The following AFF1 variants were observed in gnomAD, a reference collection of about 807,000 sequenced individuals.
AFF1 encodes ALF transcription elongation factor 1, also known as AF4/FMR2 family member 1.
AFF1 carries 48 observed loss-of-function variants against 121.7 expected under a neutral mutation model. The observed-to-expected ratio is 0.39, with a 90% confidence interval of 0.31 to 0.50. AFF1 has a LOEUF of 0.50. Ranked by LOEUF, AFF1 falls within the 20% of genes least tolerant of loss-of-function variation. The pLI is 0.76. For synonymous variants in AFF1, 613 were observed against 563.0 expected (o/e 1.09, Z -1.26); for missense variants, 1,523 against 1,511.7 (o/e 1.01, Z -0.12).
chr4:86,961,914 C>G (rs1169601071), intron 2 of AFF1, among the ~76,000 whole-genome samples: 1 of 152,052 alleles, frequency 6.6e-6, no homozygotes, highest in Non-Finnish European at 1.5e-5. Context: ...TACTGTCCCC[C>G]GCAGAGCACT....
intron 18 of AFF1, 144 bp from the exon 19 acceptor site, chr4:87,132,127 A>G (rs1728887030): frequency 8.4e-6 from 8 of 951,590 alleles, no homozygotes; most frequent in South Asian, 1.8e-5. Context: ...TTGGGATAGT[A>G]TGAACAGAGC....
intron 1 of AFF1, among the ~76,000 whole-genome samples, chr4:86,942,000 G>A (rs1720500390): frequency 6.7e-6 from 1 of 150,226 alleles, no homozygotes; most frequent in Non-Finnish European, 1.5e-5. Flanking sequence ...CTTCTTTATT[G>A]AGTAGTTGAA....
At position 87,118,782 on chromosome 4, in the gene AFF1, C is replaced by T. The variant is rs115098723; in HGVS notation, c.2466+3483C>T. On this transcript the variant is annotated intron_variant, in intron 12 of 20. Transcript: ENST00000395146. ...ACTGGTTGAGGGTAGTTGTCTAGCT[C>T]CTTGGTGTTTTGAACAAAGAATTGG... is the stretch of plus-strand genomic sequence containing the variant. Among the ~76,000 whole-genome samples, 1,337 of 152,296 alleles carry T rather than the reference C, an allele frequency of 8.8e-3. 10 individuals are homozygous for T. The highest frequency in any genetic ancestry group is 0.011 in the Non-Finnish European group (748 of 68,022).
intron 2 of AFF1, among the ~76,000 whole-genome samples, chr4:86,965,249 A>G (rs924927607): frequency 2.0e-5 from 3 of 152,204 alleles, no homozygotes; most frequent in Non-Finnish European, 4.4e-5. Flanking sequence ...ACTGCTACCT[A>G]TTTGTCTTCA....
intron 2 of AFF1, among the ~76,000 whole-genome samples, chr4:86,975,404 CCA>C (rs1291232552): frequency 6.6e-6 from 1 of 152,134 alleles, no homozygotes; most frequent in African/African-American, 2.4e-5. Flanking sequence ...GTGCACACCA[CCA>C]CACATAGCTA....
intron 2 of AFF1, among the ~76,000 whole-genome samples, chr4:87,021,713 CTT>C (rs1459787452): frequency 2.0e-5 from 3 of 152,140 alleles, no homozygotes; most frequent in Admixed American, 6.5e-5. Flanking sequence ...TAAACATTTT[CTT>C]TTTGTTCCCT....
At chr4:87,077,386 G>GTGTGTTCAA (rs1046074018) in intron 4 of AFF1, among the ~76,000 whole-genome samples, 2 of 152,186 alleles carry the variant, frequency 1.3e-5, no homozygotes, top group Non-Finnish European at 2.9e-5. Flanking sequence ...TAACATAGGT[G>GTGTGTTCAA]TGTGTTCAGA....
chr4:87,015,623 A>C (rs1213455759), intron 2 of AFF1, among the ~76,000 whole-genome samples: 2 of 152,102 alleles, frequency 1.3e-5, no homozygotes, highest in Non-Finnish European at 2.9e-5. Context: ...TGAGTTTTTT[A>C]TTTGTTCTTA....
chr4:87,080,892 A>T (rs892366575), intron 4 of AFF1, among the ~76,000 whole-genome samples: 3 of 152,228 alleles, frequency 2.0e-5, no homozygotes, highest in African/African-American at 2.4e-5. Context: ...TAGATGGAAC[A>T]TAAAATGATC....
chr4:87,110,872 G>C (rs1445936123), intron 11 of AFF1, among the ~76,000 whole-genome samples: 2 of 152,034 alleles, frequency 1.3e-5, no homozygotes, highest in African/African-American at 4.8e-5. Context: ...GGGCAGATTG[G>C]GGGTGGGATG....
At chr4:87,083,754 T>TC (rs1723398306) in intron 4 of AFF1, among the ~76,000 whole-genome samples, 1 of 152,176 alleles carries the variant, frequency 6.6e-6, no homozygotes, top group Non-Finnish European at 1.5e-5. Context: ...TAGATTAATC[T>TC]CTCTGGTCTT....
Position 87,138,987 on chromosome 4 carries a change from T to C in AFF1, c.*3286T>C. Reference sequence around the variant, plus strand: ...CCTTTCTGGCTGAAAACTTGCCTTATTTGGTATCTTACACATTAATGTTAC... The same window carrying C: ...CCTTTCTGGCTGAAAACTTGCCTTACTTGGTATCTTACACATTAATGTTAC... On this transcript the variant is annotated 3_prime_UTR_variant, in exon 21 of 21. Transcript: ENST00000395146. 4.4e-6 allele frequency: 1 copy of C among 225,012 alleles called. No individual in the cohort carries two copies. Among genetic ancestry groups the C allele is most frequent in the East Asian group, 6.4e-5 (1 of 15,518 alleles). 13.9% of individuals were successfully genotyped at this position (225,012 alleles called of 1,614,324 possible).
At position 87,114,473 on chromosome 4, in the gene AFF1, G is replaced by A. The variant is rs766819377; in HGVS notation, c.1640G>A (p.Arg547Gln). The A allele has an allele frequency of 2.2e-5, 36 of 1,613,584 alleles. No homozygotes were observed. The Admixed American group carries it at 3.7e-4, about 16-fold the overall frequency. Residue 547 changes from arginine to glutamine, a missense_variant, in exon 12 of 21, where the codon CGG becomes CAG. This residue lies in a region of AFF1 where 905 missense variants were observed against 842.5 expected (regional missense o/e 1.07). Transcript: ENST00000395146. ...CCCAGGAGCACAGAGCCCCCACGGC[G>A]GCACCCAGAGAGTAAGGGCAGCAGC... is the stretch of plus-strand genomic sequence containing the variant. ...EGPRSTEPPR[R>Q]HPESKGSSDS...
At chr4:86,946,826 C>G (rs1286831923) in intron 1 of AFF1, among the ~76,000 whole-genome samples, 1 of 152,110 alleles carries the variant, frequency 6.6e-6, no homozygotes, top group Admixed American at 6.6e-5. Flanking sequence ...CTCCTTTTCT[C>G]CTGTTATCAC....
rs1462251490 is a variant in AFF1, at chr4:87,045,599, T to C, written c.39-567T>C. On this transcript the variant is annotated intron_variant, in intron 2 of 20. Transcript: ENST00000395146. ...CATCCTTGACGTTTGAAATGAGAAA[T>C]AAAAATCATTTTTTGTGGGGTTTAC... 2.0e-5 allele frequency among the ~76,000 whole-genome samples: 3 copies of C among 152,170 alleles called. 1 individual carries two copies. Among genetic ancestry groups the C allele is most frequent in the Non-Finnish European group, 4.4e-5 (3 of 68,026 alleles).
At chr4:87,132,458 ATTTAC>A in intron 19 of AFF1, 50 bp downstream of exon 19, 1 of 1,542,116 alleles carries the variant, frequency 6.5e-7, no homozygotes, top group East Asian at 2.4e-5. Context: ...TCATTTCTTT[ATTTAC>A]TTCTTGCTTT....
chr4:87,126,335 A>G lies in AFF1; in HGVS notation c.2810A>G (p.Lys937Arg). 3.7e-6 allele frequency: 6 copies of G among 1,613,612 alleles called. No individual in the cohort carries two copies. The highest frequency in any genetic ancestry group is 2.2e-5 in the East Asian group (1 of 44,872). Residue 937 changes from lysine (K) to arginine (R), a missense_variant and splice_region_variant, in exon 14 of 21, where the codon AAG becomes AGG. Lys to Arg is a conservative substitution (Grantham distance 26). This residue lies in a region of AFF1 where 905 missense variants were observed against 842.5 expected (regional missense o/e 1.07). Transcript: ENST00000395146. ...GKGSRSSSEH[K>R]GSSGDTANPF... The stretch of plus-strand genomic sequence containing the variant: ...GGCTCCAGAAGCTCCTCGGAGCACA[A>G]GGTGAGCAGGGGCGGCGGTCACTCT...
At chr4:87,108,115 C>T (rs1462035272) in intron 10 of AFF1, 44 bp from the exon 11 acceptor site, 12 of 1,602,804 alleles carry the variant, frequency 7.5e-6, no homozygotes, top group Non-Finnish European at 8.5e-6. Flanking sequence ...AAGAAATCCA[C>T]CTTGTATCGT....
At chr4:87,088,847 G>T (rs1336011271) in intron 5 of AFF1, among the ~76,000 whole-genome samples, 1 of 151,928 alleles carries the variant, frequency 6.6e-6, no homozygotes, top group African/African-American at 2.4e-5. Context: ...GCACGATCTC[G>T]GCTCACTGCA....
Sources: gnomAD v4.1 joint callset for allele counts (sites outside exome capture counted in the v4.1 genomes callset) on GRCh38, gnomAD v4.1.1 for gene constraint, gnomAD v4.1.1 regional missense constraint, MANE v1.5 for transcripts, NCBI Gene and HGNC (gene_info 2026-07-23, HGNC 2026-07-21) for gene names.